Variants in TBX5 observed in about 807,000 individuals in gnomAD.
The protein encoded by TBX5 is T-box transcription factor 5, also known as T-box transcription factor TBX5.
Under a neutral mutation model 51.1 loss-of-function variants are expected in TBX5, and 8 were observed. The observed-to-expected ratio is 0.16, with a 90% CI of 0.09 to 0.28. The LOEUF is 0.28. TBX5 is among the 10% of genes least tolerant of loss of function. TBX5 has a pLI of 1.00. For synonymous variants in TBX5, 302 were observed against 266.4 expected, an observed-to-expected ratio of 1.13 and a Z score of -1.30; for missense variants, 589 against 671.7, an observed-to-expected ratio of 0.88 and a Z score of 1.36.
intron 7 of TBX5, among the ~76,000 whole-genome samples, chr12:114,373,741 G>A (rs540639199): frequency 6.6e-6 from 1 of 152,238 alleles, no homozygotes; most frequent in Non-Finnish European, 1.5e-5. Flanking sequence ...ATAGGCATGA[G>A]CCACCGCACC....
chr12:114,400,959 C>T (rs1258541001), intron 3 of TBX5, among the ~76,000 whole-genome samples: 1 of 152,198 alleles, frequency 6.6e-6, no homozygotes, highest in African/African-American at 2.4e-5. Flanking sequence ...TGGCTTGGGC[C>T]TACCGTTCGC....
intron 1 of TBX5, among the ~76,000 whole-genome samples, chr12:114,404,305 G>A (rs1176474697): frequency 1.3e-5 from 2 of 152,128 alleles, no homozygotes; most frequent in Non-Finnish European, 2.9e-5. Context: ...ATTTTTGGAA[G>A]CCACTGGGTA....
At chr12:114,385,609 A>C in intron 6 of TBX5, 42 bp from the exon 7 acceptor site, 1 of 1,535,754 alleles carries the variant, frequency 6.5e-7, no homozygotes, top group Non-Finnish European at 9.0e-7. Context: ...TTTTCACTTG[A>C]TTGCTGCAAG....
chr12:114,367,947 A>G (rs930879152), intron 7 of TBX5, among the ~76,000 whole-genome samples: 1 of 152,198 alleles, frequency 6.6e-6, no homozygotes, highest in African/African-American at 2.4e-5. Context: ...AGGCTTCAAC[A>G]CACTGCCAGA....
chr12:114,398,085 C>A (rs528464684), intron 5 of TBX5, among the ~76,000 whole-genome samples: 1 of 152,196 alleles, frequency 6.6e-6, no homozygotes, highest in Non-Finnish European at 1.5e-5. Context: ...ACTCTCCAGG[C>A]CTGGAATGAG....
chr12:114,387,313 T>G (rs1326922321), intron 6 of TBX5, among the ~76,000 whole-genome samples: 1 of 152,238 alleles, frequency 6.6e-6, no homozygotes, highest in East Asian at 1.9e-4. Context: ...CTGGAAGAGA[T>G]GACCTATGAG....
chr12:114,370,317 A>AAAAGAAAAGAAAAGAAAAGAAAAG (rs1565929488), intron 7 of TBX5, among the ~76,000 whole-genome samples: 7 of 140,120 alleles, frequency 5.0e-5, no homozygotes, highest in African/African-American at 1.9e-4. Flanking sequence ...GAAAAGAAAG[A>AAAAGAAAAGAAAAGAAAAGAAAAG]AAAGAAAAGA....
At chr12:114,376,672 A>G (rs1304243961) in intron 7 of TBX5, among the ~76,000 whole-genome samples, 1 of 150,688 alleles carries the variant, frequency 6.6e-6, no homozygotes, top group African/African-American at 2.4e-5. Flanking sequence ...ATTAAAATAT[A>G]TATATACACA....
rs868372679 is a variant in TBX5, at chr12:114,370,317, A to G, written c.756-3926T>C. On this transcript the variant is annotated intron_variant, in intron 7 of 8. Coordinates refer to ENST00000405440, the MANE Select transcript of TBX5 (RefSeq NM_181486.4). ...GAAAAGAAAAGAAAAGAAAAGAAAG[A>G]AAAGAAAAGAAAAGAGAAAAGAAAA... 2.1e-3 allele frequency among the ~76,000 whole-genome samples: 301 copies of G among 140,020 alleles called. 6 individuals are homozygous for G. The highest frequency in any genetic ancestry group is 7.8e-3 in the African/African-American group (288 of 37,086). The allele number at this position is 140,020 out of a possible 152,430, so 91.9% of individuals were successfully genotyped here.
intron 6 of TBX5, among the ~76,000 whole-genome samples, chr12:114,386,509 A>G (rs1870823945): frequency 6.6e-6 from 1 of 152,268 alleles, no homozygotes; most frequent in Non-Finnish European, 1.5e-5. Flanking sequence ...TATTATTGCC[A>G]TATCTATACA....
intron 2 of TBX5, 78 bp downstream of exon 2, chr12:114,403,674 C>G: frequency 6.3e-7 from 1 of 1,576,520 alleles, no homozygotes; most frequent in Non-Finnish European, 8.6e-7. Flanking sequence ...GTTCTGTCCC[C>G]GCAAGAGAAG....
At chr12:114,400,503 T>C (rs1170029614) in intron 3 of TBX5, among the ~76,000 whole-genome samples, 2 of 152,224 alleles carry the variant, frequency 1.3e-5, no homozygotes, top group African/African-American at 4.8e-5. Flanking sequence ...TTCTCAAGGC[T>C]GGCCCGGGGC....
chr12:114,379,441 G>A (rs989348496), intron 7 of TBX5, among the ~76,000 whole-genome samples: 5 of 152,162 alleles, frequency 3.3e-5, no homozygotes, highest in Non-Finnish European at 7.3e-5. Context: ...GAAAGTTGTC[G>A]CAGGTGAGCC....
At chr12:114,365,207 A>AG (rs1285752514) in intron 8 of TBX5, among the ~76,000 whole-genome samples, 2 of 149,758 alleles carry the variant, frequency 1.3e-5, no homozygotes, top group African/African-American at 4.9e-5. Flanking sequence ...GGTTTTGATC[A>AG]GGAAAAAAAA....
At chr12:114,380,309 A>G (rs113780291) in intron 7 of TBX5, among the ~76,000 whole-genome samples, 9 of 152,212 alleles carry the variant, frequency 5.9e-5, no homozygotes, top group African/African-American at 2.2e-4. Flanking sequence ...CAGCAATGGC[A>G]CTCTCAAGCC....
intron 2 of TBX5, among the ~76,000 whole-genome samples, chr12:114,403,146 G>T (rs1056878503): frequency 6.6e-6 from 1 of 152,268 alleles, no homozygotes; most frequent in African/African-American, 2.4e-5. Flanking sequence ...GCGAACCCGA[G>T]GCTCCTGGTG....
chr12:114,366,176 G>C lies in TBX5; in HGVS notation c.971C>G (p.Thr324Ser). 1 of 1,614,114 alleles carries C rather than the reference G, an allele frequency of 6.2e-7. No homozygotes were observed. Among genetic ancestry groups the C allele is most frequent in the Non-Finnish European group, 8.5e-7 (1 of 1,180,014 alleles). Residue 324 changes from threonine (T) to serine (S), a missense_variant, in exon 8 of 9, where the codon ACC becomes AGC. Around this residue, in one of 7 missense-constraint regions of TBX5, gnomAD observed 348 missense variants for 360.4 expected, o/e 0.97. Transcript: ENST00000405440. Reference sequence around the variant, plus strand: ...GTGATCACACTCACCTTTCCTCTTGGTACAATGGTAAATTTGGCTATGCTC... The same window carrying C: ...GTGATCACACTCACCTTTCCTCTTGCTACAATGGTAAATTTGGCTATGCTC... The part of the protein sequence containing the change: ...PQEHSQIYHC[T>S]KRKEEECSTT...
intron 7 of TBX5, among the ~76,000 whole-genome samples, chr12:114,368,138 T>C (rs2136375999): frequency 6.6e-6 from 1 of 152,340 alleles, no homozygotes; most frequent in Admixed American, 6.5e-5. Context: ...TAAGTGATCA[T>C]ATCTGTGAAA....
At chr12:114,393,379 C>T (rs375957630) in intron 6 of TBX5, among the ~76,000 whole-genome samples, 34 of 152,262 alleles carry the variant, frequency 2.2e-4, no homozygotes, top group African/African-American at 6.0e-4. Context: ...GCCCAAATCA[C>T]TGCTTAATAC....
Sources: gnomAD v4.1 joint callset for allele counts (sites outside exome capture counted in the v4.1 genomes callset) on GRCh38, gnomAD v4.1.1 for gene constraint, gnomAD v4.1.1 regional missense constraint, MANE v1.5 for transcripts, NCBI Gene and HGNC (gene_info 2026-07-23, HGNC 2026-07-21) for gene names.